The following GSG1L variants were observed in gnomAD, a reference collection of about 807,000 sequenced individuals.
GSG1L encodes the protein GSG1 like.
Under a neutral mutation model 42.1 loss-of-function variants are expected in GSG1L, and 24 were observed. The ratio of observed to expected loss-of-function variants is 0.57; its 90% CI spans 0.41 to 0.80. The LOEUF (loss-of-function observed/expected upper bound fraction) is 0.80. Ranked by LOEUF, GSG1L falls within the 30% of genes least tolerant of loss-of-function variation. GSG1L has a pLI of 0.00. For missense variants in GSG1L, 445 were observed against 472.2 expected, an observed-to-expected ratio of 0.94 and a Z score of 0.53; for synonymous variants, 215 against 203.5, an observed-to-expected ratio of 1.06 and a Z score of -0.48.
chr16:27,992,038 T>G (rs759586547), intron 1 of GSG1L, among the ~76,000 whole-genome samples: 3 of 152,286 alleles, frequency 2.0e-5, no homozygotes, highest in Admixed American at 2.0e-4. Context: ...GAAACCTCCA[T>G]GATAACTGAT....
At chr16:27,898,580 T>G (rs1395958607) in intron 2 of GSG1L, among the ~76,000 whole-genome samples, 1 of 151,922 alleles carries the variant, frequency 6.6e-6, no homozygotes, top group Non-Finnish European at 1.5e-5. Flanking sequence ...TCTTCTCCTC[T>G]CTCTGTTTCT....
At position 28,052,001 on chromosome 16, in the gene GSG1L, G is replaced by A. The variant is rs150834353; in HGVS notation, c.349+11075C>T. Among the ~76,000 whole-genome samples, 51 of 152,268 alleles carry A rather than the reference G, an allele frequency of 3.3e-4. 1 individual carries two copies. Among genetic ancestry groups the A allele is most frequent in the African/African-American group, 9.6e-4 (40 of 41,544 alleles). ...CTCAGACCAGGGGGGCGGAGGAGAC[G>A]GGGAGAAATGGTGAGACTCTGGATG... On this transcript the variant is annotated intron_variant, in intron 1 of 6. Coordinates refer to ENST00000447459, the MANE Select transcript of GSG1L (RefSeq NM_001109763.2).
At chr16:27,852,023 G>C (rs146648136) in intron 3 of GSG1L, among the ~76,000 whole-genome samples, 66 of 152,334 alleles carry the variant, frequency 4.3e-4, no homozygotes, top group African/African-American at 1.5e-3. Flanking sequence ...GGCTCCCTTT[G>C]ACAGGGTTTG....
Position 28,063,227 on chromosome 16 carries a change from GGC to G in GSG1L, c.196_197del (p.Ala66ProfsTer52). The stretch of plus-strand genomic sequence containing the variant: ...TGGCGGCGGCGGCGGCGGCGGCGGG[GGC>G]GGCGGTGCCGTTGGCCGTGGCGTTG... ...GANATANGTAAPAAAAAAATA... is the reference protein window; with the variant it reads ...GANATANGTAXPAAAAAAATA... On this transcript the variant is annotated frameshift_variant, in exon 1 of 7. Transcript: ENST00000447459. LOFTEE classifies it high-confidence loss of function. The surrounding 1 kb of genome is among the most constrained non-coding windows in gnomAD (Gnocchi z 5.8). The G allele has an allele frequency of 3.2e-6, 4 of 1,255,960 alleles. No individual in the cohort carries two copies. The highest frequency in any genetic ancestry group is 2.9e-5 in the South Asian group (1 of 34,388). 77.8% of individuals were successfully genotyped at this position (1,255,960 alleles called of 1,614,324 possible). A position where few individuals can be genotyped will look rare whatever the true frequency, so the allele number is the denominator to read the frequency against.
At chr16:27,935,007 A>G (rs1455579359) in intron 2 of GSG1L, among the ~76,000 whole-genome samples, 1 of 152,192 alleles carries the variant, frequency 6.6e-6, no homozygotes, top group African/African-American at 2.4e-5. Flanking sequence ...AAGACAGAAA[A>G]CATGTGAACG....
At chr16:27,879,755 GTTGTA>G (rs2083929776) in intron 3 of GSG1L, among the ~76,000 whole-genome samples, 1 of 151,010 alleles carries the variant, frequency 6.6e-6, no homozygotes, top group Admixed American at 6.6e-5. Context: ...GTAAATAGTT[GTTGTA>G]TTGTTATTAA....
intron 5 of GSG1L, among the ~76,000 whole-genome samples, chr16:27,812,340 G>A (rs1190434775): frequency 6.6e-6 from 1 of 152,198 alleles, no homozygotes; most frequent in Non-Finnish European, 1.5e-5. Context: ...GGTTGGCAGG[G>A]CCAATAACTA....
intron 3 of GSG1L, among the ~76,000 whole-genome samples, chr16:27,860,231 C>T (rs1400041801): frequency 6.6e-6 from 1 of 152,228 alleles, no homozygotes; most frequent in African/African-American, 2.4e-5. Flanking sequence ...CCTGCCCTGA[C>T]CAGGCTCAGG....
chr16:28,016,059 C>T (rs562537209), intron 1 of GSG1L, among the ~76,000 whole-genome samples: 1 of 152,298 alleles, frequency 6.6e-6, no homozygotes, highest in East Asian at 1.9e-4. Flanking sequence ...GGCACAGCCT[C>T]GGCTCACTGC....
chr16:27,950,845 G>C (rs757222483), intron 2 of GSG1L, among the ~76,000 whole-genome samples: 1 of 152,060 alleles, frequency 6.6e-6, no homozygotes, highest in Non-Finnish European at 1.5e-5. Context: ...CCTCATGCAC[G>C]AGAAGGAATT....
At chr16:28,046,409 AG>A (rs1346027180) in intron 1 of GSG1L, among the ~76,000 whole-genome samples, 1 of 130,472 alleles carries the variant, frequency 7.7e-6, no homozygotes, top group Non-Finnish European at 1.5e-5. Flanking sequence ...GCTGGAGTGC[AG>A]TAGTGTGATC....
chr16:28,011,604 G>T (rs1389197552), intron 1 of GSG1L, among the ~76,000 whole-genome samples: 1 of 152,210 alleles, frequency 6.6e-6, no homozygotes, highest in Non-Finnish European at 1.5e-5. Flanking sequence ...GGAATCACCT[G>T]ATGTTTCAAG....
chr16:27,803,783 A>C (rs1018715135), intron 6 of GSG1L, among the ~76,000 whole-genome samples: 5 of 84,020 alleles, frequency 6.0e-5, no homozygotes, highest in African/African-American at 1.1e-4. Context: ...ATATATATAT[A>C]TATATATATA....
rs998058963 is a variant in GSG1L, at chr16:27,789,843, G to A, written c.*1527C>T. The stretch of plus-strand genomic sequence containing the variant: ...ATGGATGGGTGGATGGATGGATGAA[G>A]GATGGATGGATGGATGATGAAGGAT... On this transcript the variant is annotated 3_prime_UTR_variant, in exon 7 of 7. Coordinates refer to ENST00000447459, the MANE Select transcript of GSG1L (RefSeq NM_001109763.2). The A allele has an allele frequency of 1.3e-5, 2 of 151,116 alleles. No individual in the cohort carries two copies. 9.4% of individuals were successfully genotyped at this position (151,116 alleles called of 1,614,324 possible).
chr16:27,999,476 T>C (rs976718941), intron 1 of GSG1L, among the ~76,000 whole-genome samples: 2 of 152,186 alleles, frequency 1.3e-5, no homozygotes, highest in African/African-American at 4.8e-5. Context: ...ATTTAATACA[T>C]AATCCAAAAT....
intron 1 of GSG1L, among the ~76,000 whole-genome samples, chr16:28,023,528 T>C (rs1452537073): frequency 6.6e-6 from 1 of 152,172 alleles, no homozygotes; most frequent in Non-Finnish European, 1.5e-5. Flanking sequence ...CAGTGACAAA[T>C]TGTTGTCCAT....
chr16:27,978,097 C>T (rs917073401), intron 1 of GSG1L, among the ~76,000 whole-genome samples: 1 of 152,152 alleles, frequency 6.6e-6, no homozygotes, highest in African/African-American at 2.4e-5. Flanking sequence ...GCAGGCACAT[C>T]GAGACTGCCA....
intron 3 of GSG1L, among the ~76,000 whole-genome samples, chr16:27,865,600 CATAT>C (rs1180054005): frequency 7.7e-6 from 1 of 130,346 alleles, no homozygotes; most frequent in South Asian, 2.4e-4. Flanking sequence ...CATACACACA[CATAT>C]ATATACACAC....
At chr16:27,984,813 A>G (rs939652495) in intron 1 of GSG1L, among the ~76,000 whole-genome samples, 1 of 151,434 alleles carries the variant, frequency 6.6e-6, no homozygotes. Context: ...GCTTGAGTGC[A>G]GTGGCACAAT....
Sources: allele counts gnomAD v4.1 joint callset (sites outside exome capture counted in the v4.1 genomes callset), GRCh38; gene constraint gnomAD v4.1.1; non-coding constraint Gnocchi (gnomAD v3.1); transcripts MANE v1.5; gene names NCBI Gene and HGNC (gene_info 2026-07-23, HGNC 2026-07-21).